Variants in ROBO1 observed in about 807,000 individuals in gnomAD.
ROBO1 encodes the protein roundabout guidance receptor 1.
Under a neutral mutation model 195.9 loss-of-function variants are expected in ROBO1, and 149 were observed. That is an observed-to-expected ratio of 0.76 (90% CI 0.67 to 0.87). The LOEUF (loss-of-function observed/expected upper bound fraction) is 0.87, where lower values mean the gene tolerates loss of function less well. ROBO1 is among the 40% of genes least tolerant of loss of function. The probability of loss-of-function intolerance (pLI) is 0.00; values close to 1 mark genes in which losing one functional copy is unlikely to be tolerated. For missense variants in ROBO1, 1,933 were observed against 2,068.3 expected (o/e 0.93, Z 1.27); for synonymous variants, 816 against 733.2 (o/e 1.11, Z -1.82).
At chr3:79,623,430 C>G (rs1945072816) in intron 1 of ROBO1, among the ~76,000 whole-genome samples, 1 of 152,132 alleles carries the variant, frequency 6.6e-6, no homozygotes. Flanking sequence ...TAACACAATG[C>G]AAAGATGCTA....
chr3:79,325,505 A>G (rs2034169323), intron 2 of ROBO1, among the ~76,000 whole-genome samples: 2 of 152,244 alleles, frequency 1.3e-5, no homozygotes, highest in Non-Finnish European at 2.9e-5. Context: ...TCACATGCAA[A>G]TATTAACGTA....
At chr3:78,718,851 A>AGAGGGAGGAAGGGAGG (rs2081971520) in intron 5 of ROBO1, among the ~76,000 whole-genome samples, 1 of 93,094 alleles carries the variant, frequency 1.1e-5, no homozygotes, top group African/African-American at 4.8e-5. Flanking sequence ...AGGGAGGGAG[A>AGAGGGAGGAAGGGAGG]GAGGGAGGGA....
chr3:78,767,248 T>C (rs576766722), intron 4 of ROBO1, among the ~76,000 whole-genome samples: 3 of 6,990 alleles, frequency 4.3e-4, no homozygotes, highest in South Asian at 0.013. Context: ...CGTCTGGTCC[T>C]GGACTTTTTT....
chr3:79,215,964 C>T (rs748991395), intron 2 of ROBO1, among the ~76,000 whole-genome samples: 26 of 151,930 alleles, frequency 1.7e-4, no homozygotes, highest in Non-Finnish European at 2.4e-4. Flanking sequence ...AAAATACACA[C>T]TAATCTATCA....
intron 2 of ROBO1, among the ~76,000 whole-genome samples, chr3:79,550,836 C>T (rs1357541748): frequency 1.3e-5 from 2 of 152,144 alleles, no homozygotes; most frequent in East Asian, 1.9e-4. Context: ...ATTAACTTTG[C>T]TATGGTTTGA....
At chr3:78,698,437 A>C (rs1406875081) in intron 8 of ROBO1, among the ~76,000 whole-genome samples, 1 of 152,206 alleles carries the variant, frequency 6.6e-6, no homozygotes, top group Non-Finnish European at 1.5e-5. Context: ...TAAAGAGATA[A>C]AGGAGGCCAT....
chr3:79,261,339 T>C (rs1165459343), intron 2 of ROBO1, among the ~76,000 whole-genome samples: 1 of 152,106 alleles, frequency 6.6e-6, no homozygotes, highest in Non-Finnish European at 1.5e-5. Context: ...ATGTAAAAGC[T>C]GAATAGTATC....
chr3:79,550,910 G>A (rs1033544051), intron 2 of ROBO1, among the ~76,000 whole-genome samples: 2 of 152,124 alleles, frequency 1.3e-5, no homozygotes, highest in African/African-American at 2.4e-5. Flanking sequence ...TTTAAGATGT[G>A]ATTAGGCTAT....
At chr3:78,945,066 T>C (rs1163438283) in intron 3 of ROBO1, among the ~76,000 whole-genome samples, 1 of 152,192 alleles carries the variant, frequency 6.6e-6, no homozygotes, top group African/African-American at 2.4e-5. Flanking sequence ...GAGGCCTGCC[T>C]GCCCCTGTAG....
chr3:78,947,568 G>A lies in ROBO1; in HGVS notation c.173-8641C>T, dbSNP rs182064406. 3.8e-3 allele frequency among the ~76,000 whole-genome samples: 579 copies of A among 152,282 alleles called. 2 individuals are homozygous for A. Among genetic ancestry groups the A allele is most frequent in the African/African-American group, 0.014 (564 of 41,556 alleles). On this transcript the variant is annotated intron_variant, in intron 3 of 30. Transcript: ENST00000464233. The stretch of plus-strand genomic sequence containing the variant: ...TAGCACTAAATGCCCACAAGGAAAA[G>A]TAGGAAAGATCTAAAATTGACACCC...
chr3:79,417,250 C>G (rs2038042743), intron 2 of ROBO1, among the ~76,000 whole-genome samples: 1 of 152,070 alleles, frequency 6.6e-6, no homozygotes, highest in Admixed American at 6.6e-5. Context: ...ATCATTCACC[C>G]TGGGGAAGCC....
chr3:79,511,775 A>G (rs192366529), intron 2 of ROBO1, among the ~76,000 whole-genome samples: 2 of 152,150 alleles, frequency 1.3e-5, no homozygotes, highest in Non-Finnish European at 2.9e-5. Context: ...TTTCAGGGAC[A>G]TGGATGGAGC....
At chr3:79,199,035 G>T (rs1258775534) in intron 2 of ROBO1, among the ~76,000 whole-genome samples, 1 of 151,838 alleles carries the variant, frequency 6.6e-6, no homozygotes, top group African/African-American at 2.4e-5. Context: ...TCTCTTGCCT[G>T]ATTGCCCTGG....
At chr3:79,027,721 G>A (rs563783788) in intron 3 of ROBO1, among the ~76,000 whole-genome samples, 1 of 152,036 alleles carries the variant, frequency 6.6e-6, no homozygotes, top group Admixed American at 6.5e-5. Context: ...TTTCATTGCT[G>A]GAACTAAAAG....
chr3:79,395,443 G>A (rs2037122723), intron 2 of ROBO1, among the ~76,000 whole-genome samples: 3 of 151,518 alleles, frequency 2.0e-5, no homozygotes, highest in African/African-American at 4.8e-5. Context: ...ATATTTTTAG[G>A]ACAATTTTCC....
intron 1 of ROBO1, among the ~76,000 whole-genome samples, chr3:79,697,277 T>A (rs186073802): frequency 2.0e-5 from 3 of 151,640 alleles, no homozygotes; most frequent in Non-Finnish European, 4.4e-5. Flanking sequence ...TAAAAAAGAA[T>A]GAGCAAGTCA....
intron 1 of ROBO1, among the ~76,000 whole-genome samples, chr3:79,618,718 C>CA (rs925258704): frequency 1.3e-5 from 2 of 152,138 alleles, no homozygotes; most frequent in African/African-American, 4.8e-5. Context: ...CACATGGACG[C>CA]ACATGACATT....
chr3:79,370,649 A>AT (rs1008278052), intron 2 of ROBO1, among the ~76,000 whole-genome samples: 2 of 151,106 alleles, frequency 1.3e-5, no homozygotes, highest in East Asian at 3.9e-4. Flanking sequence ...ATATATATAT[A>AT]AAAATGTTAT....
At chr3:79,691,654 A>T (rs1432922393) in intron 1 of ROBO1, among the ~76,000 whole-genome samples, 1 of 151,726 alleles carries the variant, frequency 6.6e-6, no homozygotes, top group African/African-American at 2.4e-5. Context: ...AGTATTTGGG[A>T]ATTTTTTTTA....
Sources: allele counts gnomAD v4.1 joint callset (sites outside exome capture counted in the v4.1 genomes callset), GRCh38; gene constraint gnomAD v4.1.1; transcripts MANE v1.5; gene names NCBI Gene and HGNC (gene_info 2026-07-23, HGNC 2026-07-21).